The following FAF1 variants were observed in gnomAD, a reference collection of about 807,000 sequenced individuals.
FAF1 encodes the protein FAS-associated factor 1.
Under a neutral mutation model 92.5 loss-of-function variants are expected in FAF1, and 25 were observed. The ratio of observed to expected loss-of-function variants is 0.27; its 90% CI spans 0.20 to 0.38. The LOEUF (loss-of-function observed/expected upper bound fraction) is 0.38. FAF1 is among the 10% of genes least tolerant of loss of function. The probability of loss-of-function intolerance (pLI) is 1.00; values close to 1 mark genes in which losing one functional copy is unlikely to be tolerated. For synonymous variants in FAF1, 234 were observed against 273.2 expected, an observed-to-expected ratio of 0.86 and a Z score of 1.42; for missense variants, 636 against 793.3, an observed-to-expected ratio of 0.80 and a Z score of 2.38.
intron 18 of FAF1, among the ~76,000 whole-genome samples, chr1:50,446,844 A>G (rs1646232734): frequency 6.6e-6 from 1 of 151,608 alleles, no homozygotes; most frequent in Admixed American, 6.6e-5. Context: ...TTTATGGGGG[A>G]AATGCATTGC....
At chr1:50,502,642 C>G (rs1333401154) in intron 15 of FAF1, among the ~76,000 whole-genome samples, 1 of 152,170 alleles carries the variant, frequency 6.6e-6, no homozygotes, top group Non-Finnish European at 1.5e-5. Context: ...CCGTATATGT[C>G]AGCAGCCTGT....
intron 13 of FAF1, among the ~76,000 whole-genome samples, chr1:50,542,824 C>T (rs1306677171): frequency 6.6e-6 from 1 of 151,934 alleles, no homozygotes; most frequent in Non-Finnish European, 1.5e-5. Flanking sequence ...AGGCCAAATG[C>T]TAAAATTACA....
chr1:50,478,736 C>T (rs1646666599), intron 17 of FAF1, among the ~76,000 whole-genome samples: 1 of 152,104 alleles, frequency 6.6e-6, no homozygotes. Flanking sequence ...TTTTCATCAC[C>T]CAGATACTCT....
At chr1:50,580,179 A>G (rs138567821) in intron 12 of FAF1, among the ~76,000 whole-genome samples, 1,978 of 152,106 alleles carry the variant, frequency 0.013, 41 homozygotes, top group African/African-American at 0.044. Flanking sequence ...AGTTTTAATT[A>G]TTTATATTTA....
chr1:50,701,670 T>C (rs1339492542), intron 7 of FAF1, among the ~76,000 whole-genome samples: 3 of 152,100 alleles, frequency 2.0e-5, no homozygotes, highest in African/African-American at 7.2e-5. Context: ...GTTAGCCTTA[T>C]CATTATTTAG....
At chr1:50,781,114 C>T in intron 4 of FAF1, 2 of 324,534 alleles carry the variant, frequency 6.2e-6, no homozygotes, top group Non-Finnish European at 1.2e-5. Flanking sequence ...CATTTACCTG[C>T]TGCCAGGGCA....
intron 5 of FAF1, among the ~76,000 whole-genome samples, chr1:50,742,492 T>C: frequency 6.6e-6 from 1 of 152,124 alleles, no homozygotes; most frequent in East Asian, 1.9e-4. Context: ...CAAGCGATTC[T>C]TGTGCCTCAG....
At chr1:50,710,991 C>A (rs1657902058) in intron 6 of FAF1, among the ~76,000 whole-genome samples, 1 of 150,636 alleles carries the variant, frequency 6.6e-6, no homozygotes, top group African/African-American at 2.4e-5. Context: ...CTCATTGCGA[C>A]CTCAACCTCC....
intron 4 of FAF1, among the ~76,000 whole-genome samples, chr1:50,781,955 A>C (rs1661194709): frequency 6.6e-6 from 1 of 152,208 alleles, no homozygotes; most frequent in South Asian, 2.1e-4. Flanking sequence ...AACTCCTATC[A>C]TCTAGTGACA....
rs970808678 is a variant in FAF1 at position 50,644,617 on chromosome 1, C to G, written c.744+10825G>C. Among the ~76,000 whole-genome samples the G allele has an allele frequency of 1.4e-4, 22 of 152,230 alleles. No homozygotes were observed. The East Asian group carries it at 1.9e-3, about 13-fold the overall frequency. The stretch of plus-strand genomic sequence containing the variant: ...AAATTACCAAGTTCTGTTTTACTTT[C>G]CCTTTCCTGCTATGGGATCCAGAAG... On this transcript the variant is annotated intron_variant, in intron 8 of 18. Coordinates refer to ENST00000396153, the MANE Select transcript of FAF1 (RefSeq NM_007051.3).
intron 2 of FAF1, among the ~76,000 whole-genome samples, chr1:50,809,590 C>G (rs1431098007): frequency 6.6e-6 from 1 of 152,060 alleles, no homozygotes; most frequent in African/African-American, 2.4e-5. Flanking sequence ...TCTGAACAGA[C>G]CAATAATAAA....
At chr1:50,597,371 CAATTA>C (rs1024809880) in intron 8 of FAF1, among the ~76,000 whole-genome samples, 2 of 151,192 alleles carry the variant, frequency 1.3e-5, no homozygotes, top group African/African-American at 4.9e-5. Context: ...TTATTCAATT[CAATTA>C]TTTAGTCTTT....
chr1:50,655,568 T>C, intron 7 of FAF1, 40 bp from the exon 8 acceptor site: 1 of 1,258,086 alleles, frequency 7.9e-7, no homozygotes, highest in Non-Finnish European at 1.2e-6. Flanking sequence ...AATAGAATTT[T>C]CACATGACTT....
chr1:50,466,730 C>T (rs573409211), intron 18 of FAF1, among the ~76,000 whole-genome samples: 11 of 152,148 alleles, frequency 7.2e-5, no homozygotes, highest in Non-Finnish European at 1.2e-4. Context: ...AAGCCAAGCT[C>T]CTTCGCCTGG....
intron 7 of FAF1, among the ~76,000 whole-genome samples, chr1:50,687,195 G>C (rs890386681): frequency 3.9e-5 from 6 of 152,082 alleles, no homozygotes; most frequent in Non-Finnish European, 8.8e-5. Flanking sequence ...TTCCTTTTCG[G>C]AATAATTTTT....
intron 15 of FAF1, among the ~76,000 whole-genome samples, chr1:50,505,320 A>G (rs933470597): frequency 2.0e-5 from 3 of 152,188 alleles, no homozygotes; most frequent in Non-Finnish European, 4.4e-5. Context: ...CACTGAGAGC[A>G]TACATTCTGA....
intron 9 of FAF1, among the ~76,000 whole-genome samples, chr1:50,585,638 G>A (rs948430362): frequency 3.3e-5 from 5 of 151,986 alleles, no homozygotes; most frequent in Non-Finnish European, 5.9e-5. Context: ...CAAGATATCT[G>A]GCTACATGCT....
At chr1:50,580,416 C>T (rs1650936849) in intron 12 of FAF1, among the ~76,000 whole-genome samples, 1 of 151,712 alleles carries the variant, frequency 6.6e-6, no homozygotes, top group African/African-American at 2.4e-5. Context: ...CCTTAAAACT[C>T]CATTAAGACT....
At chr1:50,588,001 T>C (rs527245629) in intron 9 of FAF1, among the ~76,000 whole-genome samples, 1 of 152,294 alleles carries the variant, frequency 6.6e-6, no homozygotes, top group South Asian at 2.1e-4. Flanking sequence ...AAACTAGGTA[T>C]GTCAGCCAGG....
Sources: allele counts gnomAD v4.1 joint callset (sites outside exome capture counted in the v4.1 genomes callset), GRCh38; gene constraint gnomAD v4.1.1; transcripts MANE v1.5; gene names NCBI Gene and HGNC (gene_info 2026-07-23, HGNC 2026-07-21).